Variants in PEBP4 observed in about 807,000 individuals in gnomAD.
PEBP4 encodes phosphatidylethanolamine-binding protein 4.
A neutral mutation model predicts 23.9 loss-of-function variants in PEBP4; 22 were observed. The observed-to-expected ratio is 0.92, with a 90% CI of 0.66 to 1.31. PEBP4 has a LOEUF of 1.31. Ranked by LOEUF, PEBP4 falls within the 40% of genes most tolerant of loss-of-function variation. The pLI is 0.00. For missense variants in PEBP4, 324 were observed against 281.7 expected, an observed-to-expected ratio of 1.15 and a Z score of -1.07; for synonymous variants, 112 against 99.3, an observed-to-expected ratio of 1.13 and a Z score of -0.76.
intron 4 of PEBP4, among the ~76,000 whole-genome samples, chr8:22,792,533 C>T (rs1190002635): frequency 6.6e-6 from 1 of 152,162 alleles, no homozygotes; most frequent in Non-Finnish European, 1.5e-5. Flanking sequence ...TAGAGCCTTT[C>T]CTGCTCATCC....
At chr8:22,717,936 A>C (rs1047444437) in intron 6 of PEBP4, among the ~76,000 whole-genome samples, 2 of 152,130 alleles carry the variant, frequency 1.3e-5, no homozygotes, top group African/African-American at 4.8e-5. Context: ...TGCCGAGATT[A>C]ATGATGTCCC....
At chr8:22,766,800 CT>C (rs2128753567) in intron 4 of PEBP4, among the ~76,000 whole-genome samples, 1 of 152,368 alleles carries the variant, frequency 6.6e-6, no homozygotes, top group South Asian at 2.1e-4. Context: ...GCACTCCTTG[CT>C]TCCAAATGCT....
chr8:22,839,612 G>A (rs1278217456), intron 3 of PEBP4, among the ~76,000 whole-genome samples: 1 of 152,218 alleles, frequency 6.6e-6, no homozygotes, highest in Non-Finnish European at 1.5e-5. Flanking sequence ...CTTGGTGTGT[G>A]AAATACAATA....
chr8:22,738,061 T>A (rs1392820546), intron 4 of PEBP4, among the ~76,000 whole-genome samples: 2 of 152,190 alleles, frequency 1.3e-5, no homozygotes, highest in Non-Finnish European at 2.9e-5. Context: ...GGCTGATGGC[T>A]GCGCCGTGGG....
chr8:22,818,700 A>G (rs1224853076), intron 3 of PEBP4, among the ~76,000 whole-genome samples: 2 of 152,220 alleles, frequency 1.3e-5, no homozygotes, highest in African/African-American at 4.8e-5. Context: ...AATGATCTCC[A>G]AAGGCCAGAG....
chr8:22,919,533 T>A (rs1049715411), intron 3 of PEBP4, among the ~76,000 whole-genome samples: 3 of 152,178 alleles, frequency 2.0e-5, no homozygotes, highest in African/African-American at 7.2e-5. Context: ...ATTTCCCACT[T>A]CTATGACTCT....
chr8:22,795,094 CCTA>C (rs553820627), intron 4 of PEBP4, among the ~76,000 whole-genome samples: 122 of 137,158 alleles, frequency 8.9e-4, no homozygotes, highest in African/African-American at 3.3e-3. Flanking sequence ...CTCACCAGTG[CCTA>C]CTTTTAAATT....
chr8:22,927,419 A>G (rs890875190), intron 2 of PEBP4, among the ~76,000 whole-genome samples, 165 bp downstream of exon 2: 1 of 152,140 alleles, frequency 6.6e-6, no homozygotes, highest in African/African-American at 2.4e-5. Flanking sequence ...TCCCTTTCTC[A>G]GTGCCATCCT....
At chr8:22,817,931 A>G (rs1806778928) in intron 3 of PEBP4, among the ~76,000 whole-genome samples, 196 bp from the exon 4 acceptor site, 1 of 152,198 alleles carries the variant, frequency 6.6e-6, no homozygotes, top group South Asian at 2.1e-4. Flanking sequence ...TCTGTGAAGC[A>G]GACAGCAGGA....
intron 3 of PEBP4, among the ~76,000 whole-genome samples, chr8:22,871,800 C>T (rs1808012751): frequency 6.7e-6 from 1 of 149,468 alleles, no homozygotes; most frequent in African/African-American, 2.5e-5. Context: ...GATCCACCCG[C>T]CTCGGCCTCC....
intron 4 of PEBP4, chr8:22,755,991 A>G (rs545898705): frequency 6.6e-6 from 1 of 152,230 alleles, no homozygotes; most frequent in South Asian, 2.1e-4. Context: ...AATGCCTCCA[A>G]CGGGGACACA....
At chr8:22,869,937 A>G (rs910948554) in intron 3 of PEBP4, among the ~76,000 whole-genome samples, 1 of 152,146 alleles carries the variant, frequency 6.6e-6, no homozygotes, top group Admixed American at 6.5e-5. Flanking sequence ...AGCCCTAGGA[A>G]CTCTCATTCA....
At chr8:22,816,452 A>G (rs1806742043) in intron 4 of PEBP4, among the ~76,000 whole-genome samples, 1 of 152,244 alleles carries the variant, frequency 6.6e-6, no homozygotes, top group Non-Finnish European at 1.5e-5. Flanking sequence ...CTTGCTCAGG[A>G]TAGTCACAAG....
intron 3 of PEBP4, among the ~76,000 whole-genome samples, chr8:22,850,968 G>C (rs1208123290): frequency 6.6e-6 from 1 of 152,206 alleles, no homozygotes. Flanking sequence ...GACTCAGAAA[G>C]CATCTTGGGC....
chr8:22,870,852 A>G (rs977503046), intron 3 of PEBP4, among the ~76,000 whole-genome samples: 2 of 152,202 alleles, frequency 1.3e-5, no homozygotes, highest in African/African-American at 4.8e-5. Flanking sequence ...TCACCTATCC[A>G]GAGAAGCCCT....
chr8:22,926,748 TAAAAA>T (rs1268312960), intron 2 of PEBP4, among the ~76,000 whole-genome samples: 1 of 152,190 alleles, frequency 6.6e-6, no homozygotes, highest in Non-Finnish European at 1.5e-5. Flanking sequence ...TAAATAAAAT[TAAAAA>T]GAAAAACAAA....
intron 3 of PEBP4, among the ~76,000 whole-genome samples, chr8:22,848,060 T>C (rs963727226): frequency 6.6e-6 from 1 of 152,148 alleles, no homozygotes; most frequent in Non-Finnish European, 1.5e-5. Flanking sequence ...CTTTCTCTTT[T>C]GGGGGGAATT....
At chr8:22,812,451 C>G (rs1806651101) in intron 4 of PEBP4, among the ~76,000 whole-genome samples, 2 of 152,222 alleles carry the variant, frequency 1.3e-5, no homozygotes, top group Non-Finnish European at 2.9e-5. Context: ...ATGGCCACCT[C>G]TGTGCTGTCT....
intron 2 of PEBP4, among the ~76,000 whole-genome samples, chr8:22,925,592 C>A (rs767267920): frequency 6.6e-6 from 1 of 152,182 alleles, no homozygotes; most frequent in Non-Finnish European, 1.5e-5. Flanking sequence ...GGACTTCCCA[C>A]GTGTGTCCCC....
Sources: gnomAD v4.1 joint callset for allele counts (sites outside exome capture counted in the v4.1 genomes callset) on GRCh38, gnomAD v4.1.1 for gene constraint, MANE v1.5 for transcripts, NCBI Gene and HGNC (gene_info 2026-07-23, HGNC 2026-07-21) for gene names.